The following EVA1A variants were observed in gnomAD, a reference collection of about 807,000 sequenced individuals.
EVA1A encodes eva-1 homolog A, regulator of programmed cell death, also known as protein eva-1 homolog A.
A neutral mutation model predicts 9.8 loss-of-function variants in EVA1A; 7 were observed. The ratio of observed to expected loss-of-function variants is 0.71; its 90% CI spans 0.41 to 1.34. The LOEUF is 1.34. EVA1A is among the 40% of genes most tolerant of loss of function. The probability of loss-of-function intolerance (pLI) is 0.01; values close to 1 mark genes in which losing one functional copy is unlikely to be tolerated. For missense variants in EVA1A, 206 were observed against 205.9 expected (o/e 1.00, Z 0.00); for synonymous variants, 90 against 85.6 (o/e 1.05, Z -0.28).
intron 3 of EVA1A, among the ~76,000 whole-genome samples, chr2:75,517,539 A>G (rs1311238317): frequency 6.6e-6 from 1 of 152,200 alleles, no homozygotes; most frequent in Non-Finnish European, 1.5e-5. Flanking sequence ...CTTTGAACCA[A>G]CGAAGGGACA....
intron 1 of EVA1A, among the ~76,000 whole-genome samples, chr2:75,567,950 G>A (rs558396957): frequency 6.6e-6 from 1 of 152,184 alleles, no homozygotes; most frequent in East Asian, 1.9e-4. Flanking sequence ...GTCCACACTG[G>A]GAATCTGTTA....
chr2:75,520,133 C>A (rs777675264), intron 2 of EVA1A, among the ~76,000 whole-genome samples: 1 of 152,120 alleles, frequency 6.6e-6, no homozygotes, highest in Non-Finnish European at 1.5e-5. Flanking sequence ...AATAAGAATG[C>A]TTAGAGCTTC....
chr2:75,525,777 A>T (rs1675412367), intron 1 of EVA1A, among the ~76,000 whole-genome samples: 1 of 152,224 alleles, frequency 6.6e-6, no homozygotes, highest in Non-Finnish European at 1.5e-5. Context: ...AGGGTTAAGA[A>T]ATGATATGGT....
intron 1 of EVA1A, among the ~76,000 whole-genome samples, chr2:75,555,336 T>TCTCTCTCTCCCC (rs766586263): frequency 2.9e-5 from 3 of 102,832 alleles, no homozygotes; most frequent in Non-Finnish European, 4.4e-5. Flanking sequence ...TCTCTCTCTC[T>TCTCTCTCTCCCC]CCCCCATCTC....
chr2:75,532,656 T>C (rs984837182), intron 1 of EVA1A, among the ~76,000 whole-genome samples: 3 of 152,266 alleles, frequency 2.0e-5, no homozygotes, highest in Non-Finnish European at 2.9e-5. Context: ...ACCTAACATT[T>C]GTGTCACTGG....
chr2:75,559,708 C>CGGGGGGGGGGGGGGGGGGGG (rs1328153509), intron 1 of EVA1A, among the ~76,000 whole-genome samples: 1 of 35,402 alleles, frequency 2.8e-5, no homozygotes, highest in African/African-American at 1.2e-4. Flanking sequence ...GGGGGGGGGG[C>CGGGGGGGGGGGGGGGGGGGG]GGGGGAGTTG....
At chr2:75,553,360 A>G (rs1311196170) in intron 1 of EVA1A, among the ~76,000 whole-genome samples, 1 of 152,258 alleles carries the variant, frequency 6.6e-6, no homozygotes, top group Non-Finnish European at 1.5e-5. Flanking sequence ...AGTTTACAGT[A>G]GGCTCTGGTG....
chr2:75,498,304 G>A (rs1416951736), intron 3 of EVA1A, among the ~76,000 whole-genome samples: 2 of 102,942 alleles, frequency 1.9e-5, no homozygotes, highest in African/African-American at 7.6e-5. Flanking sequence ...ATAAAGAAGG[G>A]AACAATAGAC....
chr2:75,511,384 G>C (rs750629435), intron 3 of EVA1A, among the ~76,000 whole-genome samples: 3 of 152,050 alleles, frequency 2.0e-5, no homozygotes, highest in Non-Finnish European at 4.4e-5. Flanking sequence ...ATTTTCACTG[G>C]ACATAAGTAA....
At chr2:75,536,364 C>CA (rs201476421) in intron 1 of EVA1A, among the ~76,000 whole-genome samples, 7 of 151,642 alleles carry the variant, frequency 4.6e-5, no homozygotes, top group African/African-American at 1.7e-4. Flanking sequence ...ACACCTCCCC[C>CA]CCAAATAAAA....
chr2:75,533,210 A>G (rs1273618407), intron 1 of EVA1A, among the ~76,000 whole-genome samples: 1 of 152,036 alleles, frequency 6.6e-6, no homozygotes, highest in East Asian at 1.9e-4. Flanking sequence ...AAAGACAAAA[A>G]CATTGAAAGC....
chr2:75,510,284 T>A (rs1260487722), intron 3 of EVA1A, among the ~76,000 whole-genome samples: 2 of 152,152 alleles, frequency 1.3e-5, no homozygotes, highest in Non-Finnish European at 2.9e-5. Context: ...TATTAAAAAA[T>A]TTACAAATTA....
At chr2:75,538,266 G>A (rs1675989615) in intron 1 of EVA1A, among the ~76,000 whole-genome samples, 1 of 152,150 alleles carries the variant, frequency 6.6e-6, no homozygotes, top group Admixed American at 6.5e-5. Context: ...CTGCACTCCA[G>A]CCTGGGTGAC....
intron 1 of EVA1A, among the ~76,000 whole-genome samples, chr2:75,523,851 C>T (rs531399543): frequency 1.3e-5 from 2 of 152,274 alleles, no homozygotes; most frequent in South Asian, 2.1e-4. Flanking sequence ...CCAATCGGAA[C>T]CTCTATCTTA....
At chr2:75,526,845 G>T (rs1402766821) in intron 1 of EVA1A, among the ~76,000 whole-genome samples, 1 of 152,182 alleles carries the variant, frequency 6.6e-6, no homozygotes, top group African/African-American at 2.4e-5. Context: ...AGAGTGACAT[G>T]GTCAGTTCTG....
intron 3 of EVA1A, among the ~76,000 whole-genome samples, chr2:75,499,952 C>A (rs1321913362): frequency 1.3e-5 from 2 of 152,194 alleles, no homozygotes; most frequent in African/African-American, 4.8e-5. Context: ...CCTTACACAG[C>A]CATTTTCTTT....
intron 1 of EVA1A, among the ~76,000 whole-genome samples, chr2:75,568,972 C>A (rs186284240): frequency 2.0e-5 from 3 of 152,234 alleles, no homozygotes; most frequent in Admixed American, 2.0e-4. Context: ...ATAATGACTT[C>A]TTTTCCTTTG....
intron 1 of EVA1A, chr2:75,542,821 T>C (rs1218122726): frequency 6.6e-6 from 1 of 152,136 alleles, no homozygotes; most frequent in Non-Finnish European, 1.5e-5. Flanking sequence ...TTGTAGGAAA[T>C]GTAACAAAGT....
chr2:75,528,895 G>T (rs1675548477), intron 1 of EVA1A, among the ~76,000 whole-genome samples: 1 of 152,206 alleles, frequency 6.6e-6, no homozygotes, highest in African/African-American at 2.4e-5. Flanking sequence ...CCTGCTCCAA[G>T]AAAGGAGAAA....
Sources: gnomAD v4.1 joint callset for allele counts (sites outside exome capture counted in the v4.1 genomes callset) on GRCh38, gnomAD v4.1.1 for gene constraint, MANE v1.5 for transcripts, NCBI Gene and HGNC (gene_info 2026-07-23, HGNC 2026-07-21) for gene names.